PPM1L: variants seen among roughly 807,000 people sequenced by gnomAD.
The protein encoded by PPM1L is protein phosphatase 1L.
A neutral mutation model predicts 31.4 loss-of-function variants in PPM1L; 13 were observed. That is an observed-to-expected ratio of 0.41 (90% CI 0.27 to 0.66). The LOEUF (loss-of-function observed/expected upper bound fraction) is 0.66. Among genes scored for constraint, PPM1L ranks in the 30% least tolerant of loss-of-function variants. The pLI, the probability that PPM1L is intolerant of heterozygous loss-of-function variation, is 0.29. For synonymous variants in PPM1L, 184 were observed against 175.4 expected, an observed-to-expected ratio of 1.05 and a Z score of -0.39; for missense variants, 326 against 453.7, an observed-to-expected ratio of 0.72 and a Z score of 2.56.
intron 2 of PPM1L, among the ~76,000 whole-genome samples, 155 bp downstream of exon 2, chr3:160,962,065 G>C (rs1243195116): frequency 1.3e-5 from 2 of 151,536 alleles, no homozygotes; most frequent in Non-Finnish European, 2.9e-5. Context: ...TTAGTCTCAA[G>C]ATGGTCAGAA....
chr3:160,843,698 T>C (rs1192117833), intron 1 of PPM1L, among the ~76,000 whole-genome samples: 2 of 151,610 alleles, frequency 1.3e-5, no homozygotes, highest in Non-Finnish European at 2.9e-5. Flanking sequence ...TTCCCCTAGT[T>C]CAACCATTGT....
intron 1 of PPM1L, among the ~76,000 whole-genome samples, chr3:160,940,877 G>A (rs888034344): frequency 2.0e-5 from 3 of 152,152 alleles, no homozygotes; most frequent in African/African-American, 4.8e-5. Context: ...TCCACCCACA[G>A]CTTGAACTGT....
chr3:160,924,424 A>G (rs1014580816), intron 1 of PPM1L, among the ~76,000 whole-genome samples: 7 of 152,216 alleles, frequency 4.6e-5, no homozygotes, highest in African/African-American at 2.4e-5. Flanking sequence ...AGGTCTAGCC[A>G]AGAAAGGAAA....
intron 2 of PPM1L, 113 bp from the exon 3 acceptor site, chr3:161,065,290 T>A: frequency 2.0e-6 from 2 of 1,016,750 alleles, no homozygotes; most frequent in East Asian, 2.4e-5. Context: ...TGGAGTCAAA[T>A]TCTCACCCAG....
At chr3:160,988,956 C>T (rs1210163912) in intron 2 of PPM1L, among the ~76,000 whole-genome samples, 1 of 152,102 alleles carries the variant, frequency 6.6e-6, no homozygotes, top group Non-Finnish European at 1.5e-5. Context: ...GGGAAGGCAT[C>T]AATCTTTTCA....
intron 1 of PPM1L, among the ~76,000 whole-genome samples, chr3:160,814,569 ATG>A (rs1171056490): frequency 9.9e-6 from 1 of 100,602 alleles, no homozygotes; most frequent in Admixed American, 9.8e-5. Flanking sequence ...ATATGTATGT[ATG>A]TGTATATATA....
At chr3:160,926,598 A>C (rs1714600880) in intron 1 of PPM1L, among the ~76,000 whole-genome samples, 1 of 152,176 alleles carries the variant, frequency 6.6e-6, no homozygotes, top group African/African-American at 2.4e-5. Flanking sequence ...GTGTACATTG[A>C]ATTGACTTTG....
At chr3:160,986,865 C>T (rs1057441804) in intron 2 of PPM1L, among the ~76,000 whole-genome samples, 1 of 152,128 alleles carries the variant, frequency 6.6e-6, no homozygotes, top group Non-Finnish European at 1.5e-5. Context: ...AAGTTTCTTA[C>T]ATATTCTTTC....
chr3:160,975,837 C>T (rs1283197011), intron 2 of PPM1L, among the ~76,000 whole-genome samples: 1 of 149,368 alleles, frequency 6.7e-6, no homozygotes, highest in Non-Finnish European at 1.5e-5. Flanking sequence ...AATTTGACTT[C>T]CTCTTTTCCT....
At chr3:160,783,136 C>T (rs550527389) in intron 1 of PPM1L, among the ~76,000 whole-genome samples, 19 of 152,128 alleles carry the variant, frequency 1.2e-4, no homozygotes, top group Non-Finnish European at 2.5e-4. Flanking sequence ...TCCTTTAGAG[C>T]GGCTTTTATA....
intron 1 of PPM1L, among the ~76,000 whole-genome samples, chr3:160,758,916 CT>C (rs1250817509): frequency 6.6e-6 from 1 of 152,058 alleles, no homozygotes; most frequent in Non-Finnish European, 1.5e-5. Context: ...AGTATTTGTT[CT>C]GTTCATAATC....
intron 1 of PPM1L, among the ~76,000 whole-genome samples, chr3:160,846,781 G>A (rs1463987290): frequency 6.6e-6 from 1 of 152,060 alleles, no homozygotes; most frequent in African/African-American, 2.4e-5. Flanking sequence ...ACAAGTTAGT[G>A]CTTCTTTTTA....
At chr3:160,876,132 T>C (rs1712501795) in intron 1 of PPM1L, among the ~76,000 whole-genome samples, 2 of 152,216 alleles carry the variant, frequency 1.3e-5, no homozygotes, top group African/African-American at 4.8e-5. Context: ...TTGTAGGAAG[T>C]GTACAGGTTG....
intron 2 of PPM1L, among the ~76,000 whole-genome samples, chr3:160,964,182 G>A (rs534304478): frequency 1.3e-5 from 2 of 152,052 alleles, no homozygotes; most frequent in African/African-American, 4.8e-5. Context: ...TGCACAACAT[G>A]GGGGTTAGGG....
At chr3:160,957,701 C>T (rs1224447403) in intron 1 of PPM1L, among the ~76,000 whole-genome samples, 1 of 151,924 alleles carries the variant, frequency 6.6e-6, no homozygotes, top group Non-Finnish European at 1.5e-5. Context: ...CTCGGCCTCC[C>T]AAGTAGCTGG....
chr3:160,877,484 A>G (rs1451285815), intron 1 of PPM1L, among the ~76,000 whole-genome samples: 1 of 152,194 alleles, frequency 6.6e-6, no homozygotes, highest in Non-Finnish European at 1.5e-5. Context: ...GAGGGTAGGT[A>G]CCAGGTGCCA....
At position 160,962,556 on chromosome 3, in the gene PPM1L, C is replaced by A. The variant is rs184082282; in HGVS notation, c.574+646C>A. On this transcript the variant is annotated intron_variant, in intron 2 of 3. Coordinates refer to ENST00000498165, the MANE Select transcript of PPM1L (RefSeq NM_139245.4). ...AAATTAAACTTAAGCAGCAGAAATA[C>A]CCTGATTAAAATTGCTATACCTCTC... 4.0e-5 allele frequency among the ~76,000 whole-genome samples: 6 copies of A among 150,256 alleles called. No individual in the cohort carries two copies. In the East Asian group the frequency reaches 1.2e-3, roughly 29 times the overall value.
chr3:160,912,913 G>A (rs1714024233), intron 1 of PPM1L, among the ~76,000 whole-genome samples: 1 of 152,144 alleles, frequency 6.6e-6, no homozygotes. Flanking sequence ...AGGAAGTGAT[G>A]AAGAATGATG....
chr3:160,903,788 G>A (rs566164930), intron 1 of PPM1L, among the ~76,000 whole-genome samples: 6 of 151,622 alleles, frequency 4.0e-5, no homozygotes, highest in South Asian at 2.1e-4. Context: ...TTCTCTAGGC[G>A]TCTATATTCC....
Sources: gnomAD v4.1 joint callset for allele counts (sites outside exome capture counted in the v4.1 genomes callset) on GRCh38, gnomAD v4.1.1 for gene constraint, MANE v1.5 for transcripts, NCBI Gene and HGNC (gene_info 2026-07-23, HGNC 2026-07-21) for gene names.